CSMD1: variants seen among roughly 807,000 people sequenced by gnomAD.
CSMD1 encodes the protein CUB and sushi domain-containing protein 1.
CSMD1 carries 213 observed loss-of-function variants against 417.5 expected under a neutral mutation model. That is an observed-to-expected ratio of 0.51 (90% CI 0.46 to 0.57). The LOEUF (loss-of-function observed/expected upper bound fraction) is 0.57, where lower values mean the gene tolerates loss of function less well. Among genes scored for constraint, CSMD1 ranks in the 20% least tolerant of loss-of-function variants. CSMD1 has a pLI of 0.00. For synonymous variants in CSMD1, 2,862 were observed against 1,736.8 expected, an observed-to-expected ratio of 1.65 and a Z score of -16.11; for missense variants, 6,923 against 4,529.7, an observed-to-expected ratio of 1.53 and a Z score of -15.17.
intron 3 of CSMD1, among the ~76,000 whole-genome samples, chr8:4,176,166 T>C (rs1798029452): frequency 6.6e-6 from 1 of 152,040 alleles, no homozygotes; most frequent in African/African-American, 2.4e-5. Context: ...ACTCTATGTC[T>C]TGATCAGAAG....
intron 63 of CSMD1, among the ~76,000 whole-genome samples, chr8:2,956,485 G>A (rs1029954389): frequency 5.3e-5 from 8 of 150,104 alleles, no homozygotes; most frequent in Middle Eastern, 3.4e-3. Context: ...TTTGAGTCTC[G>A]CTGTGTTGCC....
intron 2 of CSMD1, among the ~76,000 whole-genome samples, chr8:4,461,624 C>G (rs916345073): frequency 6.6e-6 from 1 of 151,916 alleles, no homozygotes; most frequent in African/African-American, 2.4e-5. Flanking sequence ...AATCTCAGCC[C>G]ACTGCATCGT....
intron 3 of CSMD1, among the ~76,000 whole-genome samples, chr8:4,160,494 G>C (rs1033042724): frequency 2.0e-5 from 3 of 152,094 alleles, no homozygotes; most frequent in Non-Finnish European, 2.9e-5. Context: ...TCCGAACATC[G>C]GTTGAAAGTC....
At chr8:3,358,912 T>G (rs1585048969) in intron 21 of CSMD1, among the ~76,000 whole-genome samples, 2 of 152,156 alleles carry the variant, frequency 1.3e-5, no homozygotes, top group South Asian at 4.1e-4. Flanking sequence ...TGCTTTGGTT[T>G]CACTCTTGTT....
At chr8:4,455,929 CAAAAAAAAAAAAAA>C (rs71207091) in intron 2 of CSMD1, among the ~76,000 whole-genome samples, 322 of 11,660 alleles carry the variant, frequency 0.028, 6 homozygotes, top group African/African-American at 0.033. Context: ...ACTCCAACTC[CAAAAAAAAAAAAAA>C]AAAAAAAAAA....
rs577279406 is a variant in CSMD1 at position 3,945,816 on chromosome 8, C to T, written c.818+52087G>A. 6.6e-5 allele frequency among the ~76,000 whole-genome samples: 10 copies of T among 152,222 alleles called. No individual in the cohort carries two copies. The East Asian group carries it at 1.9e-3, about 29-fold the overall frequency. On this transcript the variant is annotated intron_variant, in intron 5 of 69. Transcript: ENST00000635120. Reference sequence around the variant, plus strand: ...ATTTCAGACTTCACACACCAACACACACATGAGGTAGTATAAAAGGTAAAT... The same window carrying T: ...ATTTCAGACTTCACACACCAACACATACATGAGGTAGTATAAAAGGTAAAT...
intron 2 of CSMD1, among the ~76,000 whole-genome samples, chr8:4,609,282 T>G (rs1801044245): frequency 6.6e-6 from 1 of 152,064 alleles, no homozygotes; most frequent in Non-Finnish European, 1.5e-5. Flanking sequence ...GTGCCTTTGG[T>G]CCCAGCTACT....
chr8:4,872,760 C>T (rs931177836), intron 1 of CSMD1, among the ~76,000 whole-genome samples: 2 of 152,028 alleles, frequency 1.3e-5, no homozygotes, highest in South Asian at 4.1e-4. Context: ...AGATATCTTG[C>T]ACATTTATAA....
intron 5 of CSMD1, among the ~76,000 whole-genome samples, chr8:3,881,018 T>C (rs1182916844): frequency 6.6e-6 from 1 of 152,076 alleles, no homozygotes; most frequent in Non-Finnish European, 1.5e-5. Context: ...AAAGAAATCA[T>C]TTACAATATC....
At chr8:4,324,675 G>C (rs945338298) in intron 3 of CSMD1, among the ~76,000 whole-genome samples, 1 of 152,204 alleles carries the variant, frequency 6.6e-6, no homozygotes, top group Non-Finnish European at 1.5e-5. Context: ...CAGCTCAGAG[G>C]ATATAAGGGC....
intron 5 of CSMD1, among the ~76,000 whole-genome samples, chr8:3,859,505 T>G (rs1334890850): frequency 2.0e-5 from 3 of 152,196 alleles, no homozygotes; most frequent in Non-Finnish European, 2.9e-5. Context: ...ATATCTTCGT[T>G]TACAGCAGGA....
chr8:3,067,310 C>A (rs939087491), intron 49 of CSMD1, among the ~76,000 whole-genome samples: 5 of 152,144 alleles, frequency 3.3e-5, no homozygotes, highest in African/African-American at 1.2e-4. Flanking sequence ...TTCCTTTGTG[C>A]CTCAAATGCC....
chr8:3,250,880 C>G (rs1373281284), intron 26 of CSMD1, among the ~76,000 whole-genome samples: 2 of 152,220 alleles, frequency 1.3e-5, no homozygotes, highest in African/African-American at 4.8e-5. Flanking sequence ...AGTGTCTGTT[C>G]ATACCCCTCA....
chr8:3,148,015 G>C (rs1818946301), intron 40 of CSMD1, among the ~76,000 whole-genome samples: 1 of 152,090 alleles, frequency 6.6e-6, no homozygotes, highest in Admixed American at 6.5e-5. Flanking sequence ...TATTTTTTGT[G>C]TGACGTCAGT....
intron 10 of CSMD1, among the ~76,000 whole-genome samples, chr8:3,501,709 C>G (rs1057017438): frequency 1.3e-5 from 2 of 152,056 alleles, no homozygotes; most frequent in Non-Finnish European, 2.9e-5. Context: ...AACATGATAA[C>G]AAGTTTATGT....
chr8:3,638,837 A>T (rs1047920187), intron 7 of CSMD1, among the ~76,000 whole-genome samples: 2 of 152,194 alleles, frequency 1.3e-5, no homozygotes, highest in Non-Finnish European at 2.9e-5. Context: ...CCTTGTCTCC[A>T]GGAAGATACC....
At chr8:4,901,818 G>C (rs1469144206) in intron 1 of CSMD1, among the ~76,000 whole-genome samples, 2 of 152,016 alleles carry the variant, frequency 1.3e-5, no homozygotes, top group African/African-American at 2.4e-5. Context: ...TATTCTCAAA[G>C]AAATAAGATA....
chr8:4,075,662 G>C (rs961753200), intron 3 of CSMD1, among the ~76,000 whole-genome samples: 2 of 152,156 alleles, frequency 1.3e-5, no homozygotes, highest in Non-Finnish European at 2.9e-5. Flanking sequence ...GTCTTGATTT[G>C]TGAGACGTTT....
intron 50 of CSMD1, among the ~76,000 whole-genome samples, chr8:3,041,609 A>G (rs1437807919): frequency 6.6e-6 from 1 of 152,248 alleles, no homozygotes; most frequent in Non-Finnish European, 1.5e-5. Context: ...CACCACATCT[A>G]TCTGTAGAAA....
Sources: allele counts gnomAD v4.1 joint callset (sites outside exome capture counted in the v4.1 genomes callset), GRCh38; gene constraint gnomAD v4.1.1; transcripts MANE v1.5; gene names NCBI Gene and HGNC (gene_info 2026-07-23, HGNC 2026-07-21).